Variants in TMTC1 observed in about 807,000 individuals in gnomAD.
The protein encoded by TMTC1 is protein O-mannosyl-transferase TMTC1.
Under a neutral mutation model 104.8 loss-of-function variants are expected in TMTC1, and 73 were observed. That is an observed-to-expected ratio of 0.70 (90% CI 0.58 to 0.85). TMTC1 has a LOEUF of 0.85. Among genes scored for constraint, TMTC1 ranks in the 40% least tolerant of loss-of-function variants. TMTC1 has a pLI of 0.00. For synonymous variants in TMTC1, 434 were observed against 428.7 expected, an observed-to-expected ratio of 1.01 and a Z score of -0.15; for missense variants, 1,035 against 1,096.1, an observed-to-expected ratio of 0.94 and a Z score of 0.79.
chr12:29,507,721 G>A (rs1176175568), intron 17 of TMTC1, among the ~76,000 whole-genome samples: 1 of 152,158 alleles, frequency 6.6e-6, no homozygotes, highest in East Asian at 1.9e-4. Flanking sequence ...AGGGGTCCCT[G>A]GCAACTCAGT....
At position 29,685,425 on chromosome 12, in the gene TMTC1, C is replaced by T. The variant is rs534341098; in HGVS notation, c.939-52089G>A. On this transcript the variant is annotated intron_variant, in intron 5 of 17. Transcript: ENST00000539277. ...ATAGCCAACAAACTGATACTAAGTACAATACATTAAAAATTGTAGTGCTTA... is the reference window on the plus strand; with the variant it reads ...ATAGCCAACAAACTGATACTAAGTATAATACATTAAAAATTGTAGTGCTTA... Among the ~76,000 whole-genome samples, 5 of 149,270 alleles carry T rather than the reference C, an allele frequency of 3.3e-5. No homozygotes were observed. The East Asian group carries it at 9.8e-4, about 29-fold the overall frequency.
Position 29,733,900 on chromosome 12 carries a change from G to A in TMTC1, c.938+17766C>T, listed in dbSNP as rs188718358. On this transcript the variant is annotated intron_variant, in intron 5 of 17. Transcript: ENST00000539277. The stretch of plus-strand genomic sequence containing the variant: ...CTTCCCATGTCTTTGCTTTGACAAT[G>A]CAAGGCCATTATTTTTTCATTGCAG... Among the ~76,000 whole-genome samples, 43 of 152,264 alleles carry A rather than the reference G, an allele frequency of 2.8e-4. No homozygotes were observed. In the East Asian group the frequency reaches 7.7e-3, roughly 27 times the overall value.
chr12:29,726,926 T>C (rs763385359), intron 5 of TMTC1, among the ~76,000 whole-genome samples: 7 of 152,248 alleles, frequency 4.6e-5, no homozygotes, highest in African/African-American at 7.2e-5. Context: ...TAATGAATTA[T>C]GTACACAGGA....
chr12:29,597,366 T>C (rs561499427), intron 7 of TMTC1, among the ~76,000 whole-genome samples: 38 of 151,760 alleles, frequency 2.5e-4, no homozygotes, highest in Non-Finnish European at 4.1e-4. Flanking sequence ...TGAGCCACCA[T>C]GCCTGGCCAG....
chr12:29,610,053 T>G (rs1160222065), intron 6 of TMTC1: 4 of 152,344 alleles, frequency 2.6e-5, no homozygotes, highest in Non-Finnish European at 4.4e-5. Context: ...CCGTGGCTTC[T>G]CTAATACTAC....
chr12:29,560,941 T>C (rs1171087293), intron 9 of TMTC1, among the ~76,000 whole-genome samples: 7 of 152,176 alleles, frequency 4.6e-5, no homozygotes, highest in African/African-American at 1.7e-4. Context: ...GATGTGTAAA[T>C]GGTACTTTAC....
intron 5 of TMTC1, among the ~76,000 whole-genome samples, chr12:29,679,727 A>T (rs955783454): frequency 6.6e-6 from 1 of 152,134 alleles, no homozygotes; most frequent in Non-Finnish European, 1.5e-5. Context: ...AGAGGAAAAG[A>T]AGGAGAAAAA....
At position 29,506,787 on chromosome 12, in the gene TMTC1, C is replaced by T. The variant is rs1943702724; in HGVS notation, c.*59G>A. The stretch of plus-strand genomic sequence containing the variant: ...CCCTGCTGATGTGAAAGCAAGGCTT[C>T]CATCACTCCCCTTTCAGAGGCACCA... On this transcript the variant is annotated 3_prime_UTR_variant, in exon 18 of 18. Transcript: ENST00000539277. The T allele has an allele frequency of 1.3e-6, 2 of 1,597,930 alleles. No individual in the cohort carries two copies. The highest frequency in any genetic ancestry group is 1.7e-6 in the Non-Finnish European group (2 of 1,166,838).
chr12:29,555,084 A>T (rs1298997566), intron 10 of TMTC1, among the ~76,000 whole-genome samples: 1 of 141,402 alleles, frequency 7.1e-6, no homozygotes, highest in African/African-American at 2.6e-5. Flanking sequence ...TTGATTTTAT[A>T]TTTCACTGCT....
At chr12:29,547,849 T>C (rs1423084583) in intron 10 of TMTC1, among the ~76,000 whole-genome samples, 1 of 152,218 alleles carries the variant, frequency 6.6e-6, no homozygotes, top group East Asian at 1.9e-4. Flanking sequence ...GAAGAGCAGA[T>C]GTTGGATTTG....
At chr12:29,747,723 T>C (rs1942989856) in intron 5 of TMTC1, among the ~76,000 whole-genome samples, 1 of 152,204 alleles carries the variant, frequency 6.6e-6, no homozygotes, top group Admixed American at 6.5e-5. Context: ...ACTAAACTAA[T>C]AATAATGACG....
At chr12:29,675,825 A>C (rs10743669) in intron 5 of TMTC1, among the ~76,000 whole-genome samples, 3 of 151,780 alleles carry the variant, frequency 2.0e-5, no homozygotes, top group Admixed American at 2.0e-4. Context: ...GGTATTCTTA[A>C]TAGCATTGTT....
intron 4 of TMTC1, among the ~76,000 whole-genome samples, chr12:29,753,502 A>ACTTTCTGTGC (rs1397825708): frequency 6.6e-6 from 1 of 152,206 alleles, no homozygotes; most frequent in Non-Finnish European, 1.5e-5. Context: ...TGGGGAGGAT[A>ACTTTCTGTGC]CTTTCTGTGC....
chr12:29,669,820 G>A (rs1940435934), intron 5 of TMTC1, among the ~76,000 whole-genome samples: 1 of 152,156 alleles, frequency 6.6e-6, no homozygotes, highest in Non-Finnish European at 1.5e-5. Flanking sequence ...ATGTGTCAAA[G>A]AGCTTTTCGA....
At chr12:29,526,090 G>A (rs561189605) in intron 11 of TMTC1, among the ~76,000 whole-genome samples, 1 of 152,144 alleles carries the variant, frequency 6.6e-6, no homozygotes, top group Non-Finnish European at 1.5e-5. Flanking sequence ...AAATGTACCT[G>A]AAGTTTTGAT....
chr12:29,727,785 T>G (rs941696422), intron 5 of TMTC1, among the ~76,000 whole-genome samples: 1 of 151,794 alleles, frequency 6.6e-6, no homozygotes, highest in Non-Finnish European at 1.5e-5. Context: ...TTGTAGCAGT[T>G]TTTTGTTTTG....
At position 29,693,432 on chromosome 12, in the gene TMTC1, C is replaced by T. The variant is rs183020538; in HGVS notation, c.938+58234G>A. On this transcript the variant is annotated intron_variant, in intron 5 of 17. Coordinates refer to ENST00000539277, the MANE Select transcript of TMTC1 (RefSeq NM_001193451.2). Reference sequence around the variant, plus strand: ...ATAATAAATTACTATTAACTATAGTCAGTCTATAGTTCTATAGAATATTGG... The same window carrying T: ...ATAATAAATTACTATTAACTATAGTTAGTCTATAGTTCTATAGAATATTGG... Among the ~76,000 whole-genome samples, 213 of 111,014 alleles carry T rather than the reference C, an allele frequency of 1.9e-3. 20 individuals carry two copies. Among genetic ancestry groups the T allele is most frequent in the African/African-American group, 6.7e-3 (210 of 31,286 alleles). 72.8% of individuals were successfully genotyped at this position (111,014 alleles called of 152,430 possible). A position where few individuals can be genotyped will look rare whatever the true frequency, so the allele number is the denominator to read the frequency against.
chr12:29,512,824 C>G (rs1458371819), intron 16 of TMTC1, among the ~76,000 whole-genome samples: 1 of 152,156 alleles, frequency 6.6e-6, no homozygotes, highest in Non-Finnish European at 1.5e-5. Flanking sequence ...GTGCTCACCA[C>G]TGAGTCTCAA....
chr12:29,571,767 T>C (rs575289346), intron 9 of TMTC1, among the ~76,000 whole-genome samples: 22 of 152,326 alleles, frequency 1.4e-4, no homozygotes, highest in African/African-American at 5.3e-4. Context: ...TTAAAATTCA[T>C]TGCAATAAAT....
Sources: gnomAD v4.1 joint callset for allele counts (sites outside exome capture counted in the v4.1 genomes callset) on GRCh38, gnomAD v4.1.1 for gene constraint, MANE v1.5 for transcripts, NCBI Gene and HGNC (gene_info 2026-07-23, HGNC 2026-07-21) for gene names.